SLC6A20: variants seen among roughly 807,000 people sequenced by gnomAD.
SLC6A20 encodes the protein sodium- and chloride-dependent transporter XTRP3.
Under a neutral mutation model 64.3 loss-of-function variants are expected in SLC6A20, and 73 were observed. That is an observed-to-expected ratio of 1.14 (90% CI 0.94 to 1.38). The LOEUF (loss-of-function observed/expected upper bound fraction) is 1.38, where lower values mean the gene tolerates loss of function less well. SLC6A20 is among the 40% of genes most tolerant of loss of function. The probability of loss-of-function intolerance (pLI) is 0.00; values close to 1 mark genes in which losing one functional copy is unlikely to be tolerated. For synonymous variants in SLC6A20, 347 were observed against 329.6 expected, an observed-to-expected ratio of 1.05 and a Z score of -0.57; for missense variants, 725 against 772.8, an observed-to-expected ratio of 0.94 and a Z score of 0.73.
rs1415738444 is a variant in SLC6A20, at chr3:45,758,893, G to T, written c.*85C>A. 5 of 1,493,596 alleles carry T rather than the reference G, an allele frequency of 3.3e-6. No individual in the cohort carries two copies. Among genetic ancestry groups the T allele is most frequent in the Non-Finnish European group, 3.6e-6 (4 of 1,121,192 alleles). The allele number at this position is 1,493,596 out of a possible 1,614,324, so 92.5% of individuals were successfully genotyped here. A position where few individuals can be genotyped will look rare whatever the true frequency, so the allele number is the denominator to read the frequency against. On this transcript the variant is annotated 3_prime_UTR_variant, in exon 11 of 11. Transcript: ENST00000358525. ...GGAAGTTGATGGGCTGAGCACTCCT[G>T]GCTTAAGCATTTGAAAAAGCAGCCG...
At chr3:45,790,133 G>T (rs1700225857) in intron 1 of SLC6A20, among the ~76,000 whole-genome samples, 1 of 152,054 alleles carries the variant, frequency 6.6e-6, no homozygotes, top group Non-Finnish European at 1.5e-5. Flanking sequence ...GCCCGAGTCA[G>T]TGCCTTTCAT....
Position 45,779,657 on chromosome 3 carries a change from C to T in SLC6A20, c.354+352G>A, listed in dbSNP as rs527561280. Among the ~76,000 whole-genome samples, 13 of 152,306 alleles carry T rather than the reference C, an allele frequency of 8.5e-5. No individual in the cohort carries two copies. In the South Asian group the frequency reaches 2.5e-3, roughly 29 times the overall value. On this transcript the variant is annotated intron_variant, in intron 3 of 10. Coordinates refer to ENST00000358525, the MANE Select transcript of SLC6A20 (RefSeq NM_020208.4). Reference sequence around the variant, plus strand: ...ATTGAGGGAATCCCTCCCCACCAGTCCTCTCCACAGATTTCCTCCTAGGCA... The same window carrying T: ...ATTGAGGGAATCCCTCCCCACCAGTTCTCTCCACAGATTTCCTCCTAGGCA...
chr3:45,788,427 C>T (rs1700202392), intron 1 of SLC6A20, among the ~76,000 whole-genome samples: 1 of 152,156 alleles, frequency 6.6e-6, no homozygotes, highest in South Asian at 2.1e-4. Context: ...GCAGAAAGAA[C>T]ACTGCAGACA....
Position 45,796,305 on chromosome 3 carries a change from C to T in SLC6A20, c.115G>A (p.Gly39Ser). ...WRFPYLCQMY[G>S]GGSFLVPYII... The stretch of plus-strand genomic sequence containing the variant: ...GGGCGCGGTGGGCACTCACCTCCGC[C>T]GTACATCTGGCACAGGTACGGGAAT... The change falls in exon 1 of 11, where the codon GGC (glycine) becomes AGC (serine). Residue 39 changes from glycine (G) to serine (S), a missense_variant. Gly to Ser is a moderately conservative substitution (Grantham distance 56). Coordinates refer to ENST00000358525, the MANE Select transcript of SLC6A20 (RefSeq NM_020208.4). 1 of 1,607,892 alleles carries T rather than the reference C, an allele frequency of 6.2e-7. No individual in the cohort carries two copies. The highest frequency in any genetic ancestry group is 8.5e-7 in the Non-Finnish European group (1 of 1,177,468).
intron 7 of SLC6A20, among the ~76,000 whole-genome samples, chr3:45,766,348 T>G (rs1165174942): frequency 1.3e-5 from 2 of 152,150 alleles, no homozygotes; most frequent in African/African-American, 2.4e-5. Flanking sequence ...AAACAAGCCC[T>G]CCCTGGGTAG....
chr3:45,771,369 G>A lies in SLC6A20; in HGVS notation c.783C>T (p.Ala261=). The A allele has an allele frequency of 6.2e-7, 1 of 1,614,274 alleles. No individual in the cohort carries two copies. The highest frequency in any genetic ancestry group is 8.5e-7 in the Non-Finnish European group (1 of 1,180,050). Residue 261 remains alanine (A), a synonymous_variant, in exon 6 of 11, where the codon GCC becomes GCT. Transcript: ENST00000358525. ...SLGLGFGSLI[A]FASYNEPSNN... is the part of the protein sequence containing the mutation. ...TGGATGGCTCATTGTAGCTGGCGAAGGCGATCAGGCTGCCGAAGCCCAGGC... is the reference window on the plus strand; with the variant it reads ...TGGATGGCTCATTGTAGCTGGCGAAAGCGATCAGGCTGCCGAAGCCCAGGC...
At chr3:45,772,063 T>A (rs368072669) in intron 5 of SLC6A20, 1 of 184,476 alleles carries the variant, frequency 5.4e-6, no homozygotes, top group African/African-American at 2.4e-5. Context: ...GCACCCTCCA[T>A]GGATGAACCC....
chr3:45,772,142 G>C lies in SLC6A20; in HGVS notation c.693+363C>G, dbSNP rs141308911. On this transcript the variant is annotated intron_variant, in intron 5 of 10. Transcript: ENST00000358525. ...TAGGGAAACGGGTGCGTGGAACCAT[G>C]TAAGCAGGCAAGCAAGATGACCAGA... The C allele has an allele frequency of 3.6e-4, 83 of 230,804 alleles. 1 individual carries two copies. The highest frequency in any genetic ancestry group is 1.9e-3 in the African/African-American group (80 of 43,228). 14.3% of individuals were successfully genotyped at this position (230,804 alleles called of 1,614,324 possible). A position where few individuals can be genotyped will look rare whatever the true frequency, so the allele number is the denominator to read the frequency against.
chr3:45,792,289 T>C (rs961945309), intron 1 of SLC6A20, among the ~76,000 whole-genome samples: 4 of 152,142 alleles, frequency 2.6e-5, no homozygotes, highest in African/African-American at 9.7e-5. Context: ...GAGTGCAGGG[T>C]GCTGGGGAGA....
intron 9 of SLC6A20, 120 bp from the exon 10 acceptor site, chr3:45,760,142 G>T: frequency 2.5e-6 from 3 of 1,178,112 alleles, no homozygotes; most frequent in Non-Finnish European, 3.5e-6. Flanking sequence ...GGATGTCTGA[G>T]CTTGGCCACT....
intron 3 of SLC6A20, among the ~76,000 whole-genome samples, chr3:45,779,682 A>C (rs1700036183): frequency 6.6e-6 from 1 of 152,228 alleles, no homozygotes; most frequent in South Asian, 2.1e-4. Context: ...CCTCCTAGGC[A>C]CACTGTGCAG....
chr3:45,779,013 C>T (rs1335542125), intron 3 of SLC6A20, among the ~76,000 whole-genome samples: 2 of 152,222 alleles, frequency 1.3e-5, no homozygotes, highest in African/African-American at 4.8e-5. Context: ...AAGCATTCCT[C>T]ACGCCCCCAC....
At chr3:45,788,881 T>C (rs188998758) in intron 1 of SLC6A20, among the ~76,000 whole-genome samples, 1 of 152,306 alleles carries the variant, frequency 6.6e-6, no homozygotes. Flanking sequence ...AGATATGGGG[T>C]TGTGTTATAG....
In SLC6A20 at chr3:45,765,517, C is replaced by T. The variant is rs544335195; in HGVS notation, c.1303+20G>A. 9 of 1,603,770 alleles carry T rather than the reference C, an allele frequency of 5.6e-6. No homozygotes were observed. Among genetic ancestry groups the T allele is most frequent in the Admixed American group, 1.7e-5 (1 of 58,214 alleles). ...TGGCCCTCCTGACCCCTGCCTCCTC[C>T]ACTGGCTGGCCCCGCTGACCTGAGA... On this transcript the variant is annotated intron_variant, in intron 8 of 10. Coordinates refer to ENST00000358525, the MANE Select transcript of SLC6A20 (RefSeq NM_020208.4). This position sits in a 1 kb window ranked among gnomAD's most constrained non-coding sequence, Gnocchi z 4.2.
chr3:45,770,074 G>T, intron 7 of SLC6A20, 135 bp downstream of exon 7: 3 of 1,146,316 alleles, frequency 2.6e-6, no homozygotes, highest in Non-Finnish European at 3.7e-6. Flanking sequence ...TCTTCCCCTT[G>T]GAGTTGCAGG....
intron 1 of SLC6A20, among the ~76,000 whole-genome samples, chr3:45,786,185 C>T (rs1046555463): frequency 6.6e-6 from 1 of 152,158 alleles, no homozygotes; most frequent in Admixed American, 6.5e-5. Flanking sequence ...AGAACATTAT[C>T]TTATATAATC....
chr3:45,766,382 G>A (rs1194377994), intron 7 of SLC6A20, among the ~76,000 whole-genome samples: 2 of 152,206 alleles, frequency 1.3e-5, no homozygotes, highest in Admixed American at 1.3e-4. Context: ...CGGTTTAGAT[G>A]CACAGGATTC....
chr3:45,796,324 C>A lies in SLC6A20; in HGVS notation c.96G>T (p.Pro32=). 1.9e-6 allele frequency: 3 copies of A among 1,611,748 alleles called. No homozygotes were observed. The highest frequency in any genetic ancestry group is 2.5e-6 in the Non-Finnish European group (3 of 1,179,166). The change falls in exon 1 of 11, where the codon CCG becomes CCT. Residue 32 remains proline, a synonymous_variant. Transcript: ENST00000358525. ...AVGLGNVWRF[P]YLCQMYGGGS... ...CTCCGCCGTACATCTGGCACAGGTA[C>A]GGGAATCGCCACACGTTGCCCAGGC... is the stretch of plus-strand genomic sequence containing the variant.
intron 1 of SLC6A20, among the ~76,000 whole-genome samples, chr3:45,795,902 T>C (rs1336158367): frequency 6.6e-6 from 1 of 152,198 alleles, no homozygotes; most frequent in Non-Finnish European, 1.5e-5. Context: ...ATAACGAGTT[T>C]CTGTTGAATA....
Sources: allele counts gnomAD v4.1 joint callset (sites outside exome capture counted in the v4.1 genomes callset), GRCh38; gene constraint gnomAD v4.1.1; non-coding constraint Gnocchi (gnomAD v3.1); transcripts MANE v1.5; gene names NCBI Gene and HGNC (gene_info 2026-07-23, HGNC 2026-07-21).